The following AGBL4 variants were observed in gnomAD, a reference collection of about 807,000 sequenced individuals.
The protein encoded by AGBL4 is cytosolic carboxypeptidase 6.
AGBL4 carries 58 observed loss-of-function variants against 66.4 expected under a neutral mutation model. The ratio of observed to expected loss-of-function variants is 0.87; its 90% CI spans 0.71 to 1.09. The LOEUF (loss-of-function observed/expected upper bound fraction) is 1.09, where lower values mean the gene tolerates loss of function less well. Ranked by LOEUF, AGBL4 falls within the 50% of genes least tolerant of loss-of-function variation. The pLI is 0.00. For synonymous variants in AGBL4, 234 were observed against 222.9 expected, an observed-to-expected ratio of 1.05 and a Z score of -0.44; for missense variants, 579 against 631.0, an observed-to-expected ratio of 0.92 and a Z score of 0.88.
At chr1:48,883,807 C>T (rs1211484755) in intron 5 of AGBL4, among the ~76,000 whole-genome samples, 2 of 152,142 alleles carry the variant, frequency 1.3e-5, no homozygotes, top group Non-Finnish European at 2.9e-5. Context: ...CTTAAGAAGT[C>T]AGGGTTTTCT....
intron 6 of AGBL4, among the ~76,000 whole-genome samples, chr1:48,776,103 C>G (rs999690426): frequency 6.6e-6 from 1 of 152,128 alleles, no homozygotes; most frequent in Non-Finnish European, 1.5e-5. Flanking sequence ...GGAGGGACTC[C>G]CACCTAGAAG....
chr1:48,576,840 G>A (rs1007648378), intron 11 of AGBL4, among the ~76,000 whole-genome samples: 3 of 152,166 alleles, frequency 2.0e-5, no homozygotes, highest in African/African-American at 7.2e-5. Flanking sequence ...GTAGTGTGGT[G>A]GATGTGGGAG....
At chr1:48,554,699 T>C (rs978694764) in intron 11 of AGBL4, among the ~76,000 whole-genome samples, 2 of 152,142 alleles carry the variant, frequency 1.3e-5, no homozygotes, top group Admixed American at 1.3e-4. Context: ...CCACGGACTA[T>C]TTTCCAGGTA....
At chr1:49,393,818 G>T in intron 3 of AGBL4, among the ~76,000 whole-genome samples, 1 of 152,060 alleles carries the variant, frequency 6.6e-6, no homozygotes, top group East Asian at 1.9e-4. Flanking sequence ...AAGTTGATGT[G>T]GATACATCTA....
intron 3 of AGBL4, among the ~76,000 whole-genome samples, chr1:49,440,503 A>G (rs533896218): frequency 2.0e-5 from 3 of 152,342 alleles, no homozygotes; most frequent in Admixed American, 6.5e-5. Context: ...GACTCTATAC[A>G]TAATACCTTT....
intron 3 of AGBL4, among the ~76,000 whole-genome samples, chr1:49,560,933 C>T (rs116004039): frequency 7.9e-5 from 12 of 152,186 alleles, no homozygotes; most frequent in Non-Finnish European, 1.5e-4. Context: ...TTCATCAACA[C>T]CAGACCCGTC....
chr1:48,788,688 A>G (rs1444231325), intron 6 of AGBL4, among the ~76,000 whole-genome samples: 2 of 152,190 alleles, frequency 1.3e-5, no homozygotes, highest in African/African-American at 4.8e-5. Flanking sequence ...GCCCTGCCTT[A>G]TGTCCTAATT....
chr1:48,990,191 T>C (rs986419184), intron 5 of AGBL4, among the ~76,000 whole-genome samples: 14 of 152,186 alleles, frequency 9.2e-5, no homozygotes, highest in Admixed American at 8.5e-4. Context: ...TTTTGAGAAA[T>C]GTCTAGTCAA....
intron 6 of AGBL4, among the ~76,000 whole-genome samples, chr1:48,831,057 G>C (rs533616377): frequency 6.6e-6 from 1 of 152,278 alleles, no homozygotes; most frequent in South Asian, 2.1e-4. Flanking sequence ...GTAAGGAAAT[G>C]AACTGTGAAA....
chr1:49,956,372 A>G (rs1656605486), intron 1 of AGBL4, among the ~76,000 whole-genome samples: 1 of 151,942 alleles, frequency 6.6e-6, no homozygotes, highest in South Asian at 2.1e-4. Flanking sequence ...CTTTAGATCA[A>G]TATTAATAAT....
chr1:48,920,578 A>G (rs1025010686), intron 5 of AGBL4, among the ~76,000 whole-genome samples: 5 of 152,204 alleles, frequency 3.3e-5, no homozygotes, highest in African/African-American at 4.8e-5. Context: ...CTTAAAAACA[A>G]CCCTATGAGG....
At chr1:48,547,496 G>A (rs1370702839) in intron 11 of AGBL4, among the ~76,000 whole-genome samples, 1 of 152,142 alleles carries the variant, frequency 6.6e-6, no homozygotes, top group East Asian at 1.9e-4. Flanking sequence ...ATGAAAGAAT[G>A]TGGCAGGAAT....
intron 3 of AGBL4, among the ~76,000 whole-genome samples, chr1:49,340,439 A>T (rs1402155804): frequency 6.6e-6 from 1 of 152,210 alleles, no homozygotes; most frequent in Non-Finnish European, 1.5e-5. Context: ...CTATCAAGAC[A>T]AATGAAAACA....
intron 1 of AGBL4, among the ~76,000 whole-genome samples, chr1:49,864,760 TA>T (rs1176120612): frequency 6.6e-6 from 1 of 152,138 alleles, no homozygotes; most frequent in Admixed American, 6.5e-5. Flanking sequence ...GGAGACTGCC[TA>T]AAATTATCAA....
At chr1:49,649,958 C>A (rs957287326) in intron 3 of AGBL4, among the ~76,000 whole-genome samples, 1 of 152,056 alleles carries the variant, frequency 6.6e-6, no homozygotes, top group African/African-American at 2.4e-5. Context: ...GAAAGGACAA[C>A]TCATCAAAAT....
At chr1:49,426,827 CTCTGAG>C (rs1645670692) in intron 3 of AGBL4, among the ~76,000 whole-genome samples, 2 of 152,250 alleles carry the variant, frequency 1.3e-5, no homozygotes, top group South Asian at 4.1e-4. Context: ...ATGCTTTATA[CTCTGAG>C]AAGACGTCAT....
chr1:49,352,077 A>G (rs1643920915), intron 3 of AGBL4, among the ~76,000 whole-genome samples: 1 of 152,188 alleles, frequency 6.6e-6, no homozygotes, highest in East Asian at 1.9e-4. Flanking sequence ...TCCCCTAATT[A>G]TCCATCCACT....
intron 3 of AGBL4, among the ~76,000 whole-genome samples, chr1:49,637,574 A>G (rs1022130695): frequency 4.2e-4 from 64 of 152,144 alleles, no homozygotes; most frequent in African/African-American, 1.5e-3. Context: ...AAGTGATAGG[A>G]TTACAGGCAT....
Position 49,362,651 on chromosome 1 carries a change from C to T in AGBL4, c.283-116787G>A, listed in dbSNP as rs141476889. Among the ~76,000 whole-genome samples, 15 of 152,188 alleles carry T rather than the reference C, an allele frequency of 9.9e-5. 1 individual carries two copies. In the East Asian group the frequency reaches 2.9e-3, roughly 29 times the overall value. ...CTCACTTGACTAGGATCCTTTTCTA[C>T]ACCAACAATTTCAATGACTCTGCTT... On this transcript the variant is annotated intron_variant, in intron 3 of 13. Transcript: ENST00000371839.
Sources: allele counts gnomAD v4.1 joint callset (sites outside exome capture counted in the v4.1 genomes callset), GRCh38; gene constraint gnomAD v4.1.1; transcripts MANE v1.5; gene names NCBI Gene and HGNC (gene_info 2026-07-23, HGNC 2026-07-21).